Variants in RHOJ observed in about 807,000 individuals in gnomAD.
RHOJ encodes the protein rho-related GTP-binding protein RhoJ.
A neutral mutation model predicts 23.4 loss-of-function variants in RHOJ; 11 were observed. That is an observed-to-expected ratio of 0.47 (90% CI 0.30 to 0.78). RHOJ has a LOEUF of 0.78. Among genes scored for constraint, RHOJ ranks in the 30% least tolerant of loss-of-function variants. RHOJ has a pLI of 0.08. For synonymous variants in RHOJ, 102 were observed against 102.7 expected (o/e 0.99, Z 0.04); for missense variants, 254 against 273.4 (o/e 0.93, Z 0.50).
At chr14:63,267,813 T>C (rs1236464530) in intron 1 of RHOJ, among the ~76,000 whole-genome samples, 1 of 152,204 alleles carries the variant, frequency 6.6e-6, no homozygotes, top group Non-Finnish European at 1.5e-5. Flanking sequence ...TAACAGCTCA[T>C]CTGAGCGGCT....
intron 2 of RHOJ, among the ~76,000 whole-genome samples, chr14:63,274,610 G>C (rs1248408712): frequency 6.6e-6 from 1 of 152,126 alleles, no homozygotes; most frequent in Non-Finnish European, 1.5e-5. Context: ...CTCTTTTACT[G>C]GATCATTAAA....
chr14:63,219,412 G>C (rs1470128457), intron 1 of RHOJ, among the ~76,000 whole-genome samples: 1 of 151,794 alleles, frequency 6.6e-6, no homozygotes, highest in African/African-American at 2.4e-5. Flanking sequence ...TTTCATGGTT[G>C]TTAAAATCAA....
chr14:63,282,267 A>G (rs553491552), intron 3 of RHOJ, among the ~76,000 whole-genome samples: 1 of 148,216 alleles, frequency 6.7e-6, no homozygotes, highest in African/African-American at 2.6e-5. Context: ...TTGAACAATT[A>G]TCACACACAC....
At chr14:63,215,863 G>T (rs923940098) in intron 1 of RHOJ, among the ~76,000 whole-genome samples, 3 of 152,014 alleles carry the variant, frequency 2.0e-5, no homozygotes, top group African/African-American at 7.3e-5. Context: ...CTCCATACCT[G>T]GGAATGAGCC....
intron 1 of RHOJ, among the ~76,000 whole-genome samples, chr14:63,243,753 G>T (rs1026227074): frequency 2.6e-5 from 4 of 152,216 alleles, no homozygotes; most frequent in Non-Finnish European, 5.9e-5. Context: ...CAACTCCTCA[G>T]AGAGTGAGGA....
At chr14:63,288,304 C>G in intron 4 of RHOJ, 1 of 985,454 alleles carries the variant, frequency 1.0e-6, no homozygotes, top group Non-Finnish European at 1.2e-6. Flanking sequence ...CCTGCCCCTC[C>G]TGCAGGACTC....
Position 63,283,128 on chromosome 14 carries a change from T to C in RHOJ, c.410T>C (p.Leu137Pro). The C allele has an allele frequency of 1.9e-6, 3 of 1,613,600 alleles. No individual in the cohort carries two copies. The highest frequency in any genetic ancestry group is 2.2e-5 in the South Asian group (2 of 91,060). The change falls in exon 4 of 5, where the codon CTC becomes CCC. Residue 137 changes from leucine to proline, a missense_variant. Physicochemically the swap from Leu to Pro is moderately conservative, Grantham distance 98. Transcript: ENST00000316754. ...CGTGTGTTTTCTTGCCAGATTGATCTCCGTGATGACCCAAAAACCTTGGCC... is the reference window on the plus strand; with the variant it reads ...CGTGTGTTTTCTTGCCAGATTGATCCCCGTGATGACCCAAAAACCTTGGCC... ...PYVLIGTQID[L>P]RDDPKTLARL...
At chr14:63,258,441 C>T (rs1594768967) in intron 1 of RHOJ, among the ~76,000 whole-genome samples, 1 of 130,572 alleles carries the variant, frequency 7.7e-6, no homozygotes, top group East Asian at 2.2e-4. Context: ...ACCCCTTGAA[C>T]TGTTTAAAAT....
rs114974678 is a variant in RHOJ at position 63,248,884 on chromosome 14, A to G, written c.179-20226A>G. Among the ~76,000 whole-genome samples the G allele has an allele frequency of 5.5e-3, 835 of 152,090 alleles. 2 individuals carry two copies. Among genetic ancestry groups the G allele is most frequent in the African/African-American group, 0.019 (790 of 41,472 alleles). ...CAGCAGCTCCTGGAGCTGCCTCCTT[A>G]CTTATGCACTACTAGTCAGAAAGAG... On this transcript the variant is annotated intron_variant, in intron 1 of 4. Coordinates refer to ENST00000316754, the MANE Select transcript of RHOJ (RefSeq NM_020663.5).
At chr14:63,283,449 T>G (rs1881977255) in intron 4 of RHOJ, among the ~76,000 whole-genome samples, 1 of 152,238 alleles carries the variant, frequency 6.6e-6, no homozygotes, top group Non-Finnish European at 1.5e-5. Flanking sequence ...TTTGGTGAAT[T>G]TAAACAGCTG....
At chr14:63,208,091 T>C (rs1376612903) in intron 1 of RHOJ, among the ~76,000 whole-genome samples, 3 of 152,214 alleles carry the variant, frequency 2.0e-5, no homozygotes, top group Non-Finnish European at 4.4e-5. Context: ...ATTAACAATA[T>C]GTTTATATGA....
intron 4 of RHOJ, chr14:63,288,394 G>A (rs1337458717): frequency 1.1e-6 from 1 of 946,606 alleles, no homozygotes; most frequent in Non-Finnish European, 1.3e-6. Context: ...TAGTGGAGAG[G>A]TATTCCAGAT....
At chr14:63,242,870 A>G (rs1451036792) in intron 1 of RHOJ, among the ~76,000 whole-genome samples, 1 of 152,192 alleles carries the variant, frequency 6.6e-6, no homozygotes, top group Non-Finnish European at 1.5e-5. Flanking sequence ...ATTTTTTGCT[A>G]TGTGCAGTAT....
chr14:63,217,528 C>T (rs1002713877), intron 1 of RHOJ, among the ~76,000 whole-genome samples: 1 of 151,756 alleles, frequency 6.6e-6, no homozygotes, highest in African/African-American at 2.4e-5. Flanking sequence ...ACACCTTATA[C>T]AAAAATCAAT....
At chr14:63,234,665 AAG>A (rs1415562998) in intron 1 of RHOJ, among the ~76,000 whole-genome samples, 1 of 150,482 alleles carries the variant, frequency 6.6e-6, no homozygotes, top group Non-Finnish European at 1.5e-5. Context: ...TTGAACATGA[AAG>A]AGTTTAAAAC....
At chr14:63,255,762 T>C (rs1895152848) in intron 1 of RHOJ, among the ~76,000 whole-genome samples, 1 of 152,226 alleles carries the variant, frequency 6.6e-6, no homozygotes, top group African/African-American at 2.4e-5. Context: ...GAAGAGGCTC[T>C]GGCCTTGACT....
chr14:63,251,959 A>G (rs1465242108), intron 1 of RHOJ, among the ~76,000 whole-genome samples: 2 of 152,062 alleles, frequency 1.3e-5, no homozygotes, highest in South Asian at 2.1e-4. Flanking sequence ...CATCTCTACT[A>G]AAAATACAAA....
At position 63,270,649 on chromosome 14, in the gene RHOJ, A is replaced by G. The variant is rs77550082; in HGVS notation, c.237+1481A>G. Reference sequence around the variant, plus strand: ...AAGTTGCCTGCTCTAATTCACTCACATAATCACTGGGGTGTCCCCATTCAT... The same window carrying G: ...AAGTTGCCTGCTCTAATTCACTCACGTAATCACTGGGGTGTCCCCATTCAT... On this transcript the variant is annotated intron_variant, in intron 2 of 4. Transcript: ENST00000316754. Among the ~76,000 whole-genome samples, 966 of 152,324 alleles carry G rather than the reference A, an allele frequency of 6.3e-3. 1 individual carries two copies. Among genetic ancestry groups the G allele is most frequent in the Middle Eastern group, 0.017 (5 of 294 alleles).
intron 1 of RHOJ, among the ~76,000 whole-genome samples, chr14:63,227,009 T>C (rs1056341743): frequency 6.6e-6 from 1 of 152,148 alleles, no homozygotes; most frequent in Non-Finnish European, 1.5e-5. Flanking sequence ...TGGAGTGCAA[T>C]GGTGCAATCT....
Sources: allele counts gnomAD v4.1 joint callset (sites outside exome capture counted in the v4.1 genomes callset), GRCh38; gene constraint gnomAD v4.1.1; transcripts MANE v1.5; gene names NCBI Gene and HGNC (gene_info 2026-07-23, HGNC 2026-07-21).